Variants in PRKAG2 observed in about 807,000 individuals in gnomAD.
PRKAG2 encodes the protein 5'-AMP-activated protein kinase subunit gamma-2.
A neutral mutation model predicts 69.6 loss-of-function variants in PRKAG2; 26 were observed. The observed-to-expected ratio is 0.37, with a 90% CI of 0.27 to 0.52. The LOEUF (loss-of-function observed/expected upper bound fraction) is 0.52, where lower values mean the gene tolerates loss of function less well. Among genes scored for constraint, PRKAG2 ranks in the 20% least tolerant of loss-of-function variants. PRKAG2 has a pLI of 0.90. For synonymous variants in PRKAG2, 293 were observed against 285.0 expected, an observed-to-expected ratio of 1.03 and a Z score of -0.28; for missense variants, 557 against 740.0, an observed-to-expected ratio of 0.75 and a Z score of 2.87.
At chr7:151,859,112 ACAGATT>A (rs1345098863) in intron 1 of PRKAG2, among the ~76,000 whole-genome samples, 2 of 152,244 alleles carry the variant, frequency 1.3e-5, no homozygotes, top group Non-Finnish European at 2.9e-5. Context: ...CTGTCACAGA[ACAGATT>A]CAGGAAAAAC....
chr7:151,828,045 G>T lies in PRKAG2; in HGVS notation c.115-41504C>A, dbSNP rs980720554. Among the ~76,000 whole-genome samples the T allele has an allele frequency of 6.6e-6, 1 of 152,190 alleles. No homozygotes were observed. The highest frequency in any genetic ancestry group is 1.5e-5 in the Non-Finnish European group (1 of 68,032). ...TGAGCCTGGGGTGTGATCTCACCTT[G>T]GAACAAAGGAGGAATCCCAAGTGGA... On this transcript the variant is annotated intron_variant, in intron 1 of 15. Transcript: ENST00000287878. The surrounding 1 kb of genome is among the most constrained non-coding windows in gnomAD (Gnocchi z 4.6).
chr7:151,724,679 C>A (rs763852480), intron 3 of PRKAG2, among the ~76,000 whole-genome samples: 16 of 152,098 alleles, frequency 1.1e-4, no homozygotes, highest in South Asian at 4.2e-4. Flanking sequence ...TCGGACCCTG[C>A]GCAGGATTCC....
intron 4 of PRKAG2, among the ~76,000 whole-genome samples, chr7:151,662,887 T>C (rs1036803112): frequency 2.6e-5 from 4 of 152,110 alleles, no homozygotes; most frequent in Middle Eastern, 3.4e-3. Flanking sequence ...GGAGAATCTA[T>C]CTCTAAAAAC....
intron 1 of PRKAG2, among the ~76,000 whole-genome samples, chr7:151,798,837 T>C (rs993556016): frequency 2.0e-5 from 3 of 152,104 alleles, no homozygotes; most frequent in Non-Finnish European, 4.4e-5. Context: ...GAAATACACA[T>C]GGAGTTAAGA....
Position 151,675,622 on chromosome 7 carries a change from G to T in PRKAG2, c.482C>A (p.Ser161Tyr). 1 of 1,613,784 alleles carries T rather than the reference G, an allele frequency of 6.2e-7. No homozygotes were observed. The highest frequency in any genetic ancestry group is 8.5e-7 in the Non-Finnish European group (1 of 1,179,628). The change falls in exon 4 of 16, where the codon TCC (serine) becomes TAC (tyrosine). Residue 161 changes from serine (S) to tyrosine (Y), a missense_variant. Coordinates refer to ENST00000287878, the MANE Select transcript of PRKAG2 (RefSeq NM_016203.4). ...SRSRKTSGLSSSPSTPTQVTK... is the reference protein window; with the variant it reads ...SRSRKTSGLSYSPSTPTQVTK... ...CACTTGGGTGGGTGTTGACGGAGAGGAGGAGAGGCCGGAGGCTGCAGAAGA... is the reference window on the plus strand; with the variant it reads ...CACTTGGGTGGGTGTTGACGGAGAGTAGGAGAGGCCGGAGGCTGCAGAAGA...
At position 151,830,683 on chromosome 7, in the gene PRKAG2, C is replaced by T. The variant is rs958667757; in HGVS notation, c.115-44142G>A. 2.7e-5 allele frequency among the ~76,000 whole-genome samples: 4 copies of T among 150,166 alleles called. 1 individual carries two copies. The highest frequency in any genetic ancestry group is 4.4e-5 in the Non-Finnish European group (3 of 67,460). On this transcript the variant is annotated intron_variant, in intron 1 of 15. Transcript: ENST00000287878. ...GGGGCGGGGGGAAGAGGAACCAGAG[C>T]CTGGCCTGAGGCCTCCTGCGGGATG... is the stretch of plus-strand genomic sequence containing the variant.
chr7:151,727,417 C>A (rs935905472), intron 3 of PRKAG2, among the ~76,000 whole-genome samples: 1 of 152,062 alleles, frequency 6.6e-6, no homozygotes, highest in South Asian at 2.1e-4. Flanking sequence ...CCAGCAGCCA[C>A]GGGAGCCCCG....
chr7:151,841,791 TAGTA>T (rs1315261396), intron 1 of PRKAG2, among the ~76,000 whole-genome samples: 1 of 147,270 alleles, frequency 6.8e-6, no homozygotes, highest in South Asian at 2.2e-4. Flanking sequence ...ATGGTAGTGA[TAGTA>T]GGTAGTAATA....
At chr7:151,707,798 G>A (rs1161378549) in intron 3 of PRKAG2, among the ~76,000 whole-genome samples, 1 of 152,162 alleles carries the variant, frequency 6.6e-6, no homozygotes, top group Non-Finnish European at 1.5e-5. Context: ...CGTCAGTAGG[G>A]GGCTCAGAAT....
intron 9 of PRKAG2, among the ~76,000 whole-genome samples, chr7:151,571,978 A>G (rs1807684794): frequency 6.6e-6 from 1 of 152,224 alleles, no homozygotes; most frequent in African/African-American, 2.4e-5. Context: ...CCGCTGTTGC[A>G]GACAGACTGG....
chr7:151,816,846 A>C (rs2078656273), intron 1 of PRKAG2, among the ~76,000 whole-genome samples: 1 of 152,156 alleles, frequency 6.6e-6, no homozygotes, highest in African/African-American at 2.4e-5. Flanking sequence ...GAGCCTGAGG[A>C]AAAAAGCCTA....
chr7:151,674,916 GTTTCTTTT>G (rs1192880411), intron 4 of PRKAG2: 1 of 177,936 alleles, frequency 5.6e-6, no homozygotes, highest in Non-Finnish European at 1.2e-5. Flanking sequence ...TTTTCATTTT[GTTTCTTTT>G]TTTCTTTTTT....
chr7:151,680,959 T>A (rs997337528), intron 3 of PRKAG2, among the ~76,000 whole-genome samples: 2 of 152,350 alleles, frequency 1.3e-5, no homozygotes, highest in East Asian at 3.9e-4. Context: ...TCACAGCCCA[T>A]GAAAACTCCT....
intron 3 of PRKAG2, among the ~76,000 whole-genome samples, chr7:151,750,128 G>A (rs995405778): frequency 5.4e-5 from 8 of 149,202 alleles, no homozygotes; most frequent in East Asian, 2.0e-4. Flanking sequence ...GAACTGAACC[G>A]TTGGCAAGGA....
intron 4 of PRKAG2, among the ~76,000 whole-genome samples, chr7:151,659,907 T>C (rs1830060010): frequency 6.6e-6 from 1 of 152,192 alleles, no homozygotes; most frequent in Admixed American, 6.5e-5. Context: ...GCGAAATTAT[T>C]TCTCTGCCAG....
intron 1 of PRKAG2, among the ~76,000 whole-genome samples, chr7:151,855,072 A>AT (rs1554618704): frequency 2.0e-5 from 1 of 51,228 alleles, no homozygotes; most frequent in Non-Finnish European, 3.6e-5. Flanking sequence ...TCCTCCACAC[A>AT]CACCATCCTC....
intron 4 of PRKAG2, among the ~76,000 whole-genome samples, chr7:151,659,071 G>A (rs1829916430): frequency 6.6e-6 from 1 of 152,188 alleles, no homozygotes; most frequent in South Asian, 2.1e-4. Flanking sequence ...ATGATTCATA[G>A]TAACTTGCTA....
In PRKAG2 at chr7:151,836,626, G is replaced by C. The variant is rs905856955; in HGVS notation, c.114+39881C>G. ...CTGGGGTAGTCTCTAGGCTGTCCCA[G>C]CTGTGCCTCTGGCCTCCTGTCTGGG... On this transcript the variant is annotated intron_variant, in intron 1 of 15. Coordinates refer to ENST00000287878, the MANE Select transcript of PRKAG2 (RefSeq NM_016203.4). This position sits in a 1 kb window ranked among gnomAD's most constrained non-coding sequence, Gnocchi z 4.1. Among the ~76,000 whole-genome samples, 17 of 152,294 alleles carry C rather than the reference G, an allele frequency of 1.1e-4. No individual in the cohort carries two copies. The highest frequency in any genetic ancestry group is 4.1e-4 in the African/African-American group (17 of 41,562).
intron 1 of PRKAG2, among the ~76,000 whole-genome samples, chr7:151,832,365 G>C (rs1402400311): frequency 6.6e-6 from 1 of 152,096 alleles, no homozygotes; most frequent in South Asian, 2.1e-4. Context: ...CTGCTTGTTG[G>C]GGGCGAAGCA....
Sources: gnomAD v4.1 joint callset for allele counts (sites outside exome capture counted in the v4.1 genomes callset) on GRCh38, gnomAD v4.1.1 for gene constraint, Gnocchi (gnomAD v3.1) non-coding constraint, MANE v1.5 for transcripts, NCBI Gene and HGNC (gene_info 2026-07-23, HGNC 2026-07-21) for gene names.